Variants in VWA8 observed in about 807,000 individuals in gnomAD.
VWA8 encodes the protein von Willebrand factor A domain-containing protein 8.
VWA8 carries 221 observed loss-of-function variants against 241.5 expected under a neutral mutation model. The ratio of observed to expected loss-of-function variants is 0.91; its 90% CI spans 0.82 to 1.02. The LOEUF is 1.02. VWA8 is among the 50% of genes least tolerant of loss of function. The pLI is 0.00. For missense variants in VWA8, 2,322 were observed against 2,328.7 expected (o/e 1.00, Z 0.06); for synonymous variants, 852 against 827.1 (o/e 1.03, Z -0.52).
chr13:41,775,814 G>A (rs1868567209), intron 20 of VWA8, among the ~76,000 whole-genome samples: 1 of 152,170 alleles, frequency 6.6e-6, no homozygotes, highest in Non-Finnish European at 1.5e-5. Flanking sequence ...TCATAAAGCA[G>A]AGGCAAACCT....
intron 40 of VWA8, among the ~76,000 whole-genome samples, chr13:41,591,599 G>A (rs993144897): frequency 3.3e-5 from 5 of 151,690 alleles, no homozygotes. Flanking sequence ...AATCTACAAT[G>A]AACTTAAACA....
chr13:41,791,113 A>AG (rs1869439305), intron 17 of VWA8, among the ~76,000 whole-genome samples: 1 of 149,416 alleles, frequency 6.7e-6, no homozygotes, highest in East Asian at 2.0e-4. Context: ...ATATAAAATG[A>AG]GTTTTTTTTT....
intron 21 of VWA8, among the ~76,000 whole-genome samples, chr13:41,737,124 C>A (rs986426939): frequency 3.3e-5 from 5 of 151,948 alleles, no homozygotes; most frequent in African/African-American, 1.2e-4. Flanking sequence ...GCCACCATGC[C>A]CAGCTGCTCA....
rs1414715885 is a variant in VWA8 at position 41,944,524 on chromosome 13, G to A, written c.241+5412C>T. ...TTTAGTGTCTCACTATGTTGCCCAA[G>A]CTGGTCTCAAACTCCTGGCCTCAAG... On this transcript the variant is annotated intron_variant, in intron 2 of 44. Transcript: ENST00000379310. 2.6e-5 allele frequency among the ~76,000 whole-genome samples: 4 copies of A among 152,108 alleles called. No homozygotes were observed. In the East Asian group the frequency reaches 7.7e-4, roughly 29 times the overall value.
At chr13:41,645,246 GA>G (rs1044954324) in intron 37 of VWA8, among the ~76,000 whole-genome samples, 2 of 152,156 alleles carry the variant, frequency 1.3e-5, no homozygotes, top group African/African-American at 4.8e-5. Context: ...TTAGGAGAGT[GA>G]AAAAGGTACT....
intron 2 of VWA8, among the ~76,000 whole-genome samples, chr13:41,922,054 C>T (rs1426671750): frequency 1.3e-5 from 2 of 152,118 alleles, no homozygotes; most frequent in African/African-American, 4.8e-5. Flanking sequence ...GCTACAGGAA[C>T]CAAAACAGCA....
chr13:41,701,267 T>C, intron 28 of VWA8, 125 bp downstream of exon 28: 1 of 1,192,752 alleles, frequency 8.4e-7, no homozygotes, highest in South Asian at 1.9e-5. Context: ...ATATAATTGC[T>C]ATCCAATCCA....
At position 41,611,698 on chromosome 13, in the gene VWA8, T is replaced by A; in HGVS notation, c.4755A>T (p.Gly1585=). 2 of 1,614,040 alleles carry A rather than the reference T, an allele frequency of 1.2e-6. No individual in the cohort carries two copies. Among genetic ancestry groups the A allele is most frequent in the South Asian group, 2.2e-5 (2 of 91,072 alleles). ...GRDTAGLGGK[G]GPYRLDAGHT... ...GGCCTGCATCCAGCCGGTAAGGGCCTCCTTTGCCACCCAGGCCTGCCGTGT... is the reference window on the plus strand; with the variant it reads ...GGCCTGCATCCAGCCGGTAAGGGCCACCTTTGCCACCCAGGCCTGCCGTGT... The change falls in exon 39 of 45, where the codon GGA becomes GGT. Residue 1585 remains glycine, a synonymous_variant. Coordinates refer to ENST00000379310, the MANE Select transcript of VWA8 (RefSeq NM_015058.2).
intron 37 of VWA8, among the ~76,000 whole-genome samples, chr13:41,670,548 C>A (rs1279310474): frequency 6.6e-6 from 1 of 152,108 alleles, no homozygotes. Context: ...TTGTAATAAT[C>A]TGCTGTATTC....
At chr13:41,592,558 C>T (rs1213570321) in intron 40 of VWA8, among the ~76,000 whole-genome samples, 1 of 147,084 alleles carries the variant, frequency 6.8e-6, no homozygotes, top group Admixed American at 6.7e-5. Context: ...GATCTTTACT[C>T]TTATTTGTTT....
intron 20 of VWA8, among the ~76,000 whole-genome samples, chr13:41,772,169 C>T (rs957161798): frequency 6.6e-6 from 1 of 152,114 alleles, no homozygotes; most frequent in African/African-American, 2.4e-5. Context: ...GGATTACAGG[C>T]GTGAGCCACT....
At chr13:41,584,968 C>T (rs1354286347) in intron 42 of VWA8, among the ~76,000 whole-genome samples, 2 of 152,078 alleles carry the variant, frequency 1.3e-5, no homozygotes, top group East Asian at 3.9e-4. Flanking sequence ...ACTGGGCTAC[C>T]CAGCAGAGTG....
Position 41,833,537 on chromosome 13 carries a change from A to G in VWA8, c.1426-6T>C, listed in dbSNP as rs550825485. On this transcript the variant is annotated splice_region_variant and splice_polypyrimidine_tract_variant and intron_variant, in intron 12 of 44. Transcript: ENST00000379310. ...AGATCACGCGCTGTCATATCCTAAA[A>G]CAAATCCCCACCACCCAACAAAGAA... The G allele has an allele frequency of 1.3e-6, 2 of 1,594,526 alleles. No homozygotes were observed. Among genetic ancestry groups the G allele is most frequent in the Admixed American group, 3.6e-5 (2 of 55,332 alleles).
At chr13:41,700,248 G>A (rs2045240937) in intron 28 of VWA8, among the ~76,000 whole-genome samples, 1 of 151,940 alleles carries the variant, frequency 6.6e-6, no homozygotes, top group South Asian at 2.1e-4. Flanking sequence ...CACTATGTGT[G>A]TCTGTGTGTG....
intron 4 of VWA8, among the ~76,000 whole-genome samples, chr13:41,897,527 C>T (rs889797646): frequency 1.3e-5 from 2 of 152,226 alleles, no homozygotes; most frequent in Non-Finnish European, 2.9e-5. Context: ...GAGCTATCAT[C>T]TGATCCAGCA....
At chr13:41,852,778 T>C (rs1872576881) in intron 12 of VWA8, among the ~76,000 whole-genome samples, 1 of 152,196 alleles carries the variant, frequency 6.6e-6, no homozygotes, top group African/African-American at 2.4e-5. Context: ...TAATAGTATA[T>C]TATTTCTGGG....
intron 43 of VWA8, among the ~76,000 whole-genome samples, chr13:41,572,822 GAAAC>G (rs998224461): frequency 7.3e-5 from 7 of 96,518 alleles, no homozygotes; most frequent in Non-Finnish European, 1.1e-4. Context: ...AAAAAAAAAA[GAAAC>G]AGGCCGGGCG....
intron 25 of VWA8, among the ~76,000 whole-genome samples, chr13:41,720,020 A>T (rs932879): frequency 0.43 from 65,581 of 151,842 alleles, 16,384 homozygotes; most frequent in Non-Finnish European, 0.56. Flanking sequence ...GGTGTCAGTG[A>T]TTGCCACTGC....
At chr13:41,574,009 T>C (rs1046074941) in intron 43 of VWA8, among the ~76,000 whole-genome samples, 1 of 152,184 alleles carries the variant, frequency 6.6e-6, no homozygotes, top group Non-Finnish European at 1.5e-5. Flanking sequence ...CTTGAGGTGA[T>C]GGATTTCCCT....
Sources: gnomAD v4.1 joint callset for allele counts (sites outside exome capture counted in the v4.1 genomes callset) on GRCh38, gnomAD v4.1.1 for gene constraint, MANE v1.5 for transcripts, NCBI Gene and HGNC (gene_info 2026-07-23, HGNC 2026-07-21) for gene names.